The following ATRNL1 variants were observed in gnomAD, a reference collection of about 807,000 sequenced individuals.
The protein encoded by ATRNL1 is attractin like 1, also known as attractin-like protein 1.
A neutral mutation model predicts 182.7 loss-of-function variants in ATRNL1; 95 were observed. The observed-to-expected ratio is 0.52, with a 90% CI of 0.44 to 0.62. The LOEUF is 0.62. Among genes scored for constraint, ATRNL1 ranks in the 20% least tolerant of loss-of-function variants. The probability of loss-of-function intolerance (pLI) is 0.00; values close to 1 mark genes in which losing one functional copy is unlikely to be tolerated. For missense variants in ATRNL1, 1,471 were observed against 1,679.5 expected, an observed-to-expected ratio of 0.88 and a Z score of 2.17; for synonymous variants, 576 against 568.3, an observed-to-expected ratio of 1.01 and a Z score of -0.19.
At chr10:115,541,456 A>T (rs1554991951) in intron 25 of ATRNL1, among the ~76,000 whole-genome samples, 1 of 152,206 alleles carries the variant, frequency 6.6e-6, no homozygotes, top group African/African-American at 2.4e-5. Context: ...GTACACTAGA[A>T]ATTGATGTAA....
intron 18 of ATRNL1, among the ~76,000 whole-genome samples, chr10:115,328,036 T>C (rs1327231874): frequency 6.6e-6 from 1 of 151,986 alleles, no homozygotes; most frequent in Admixed American, 6.6e-5. Context: ...TGTATACATA[T>C]GTAACTAACC....
At chr10:115,560,048 C>G (rs1233299334) in intron 26 of ATRNL1, among the ~76,000 whole-genome samples, 1 of 152,022 alleles carries the variant, frequency 6.6e-6, no homozygotes, top group South Asian at 2.1e-4. Context: ...GTTCAGGATG[C>G]CAGAGCAATA....
intron 27 of ATRNL1, among the ~76,000 whole-genome samples, chr10:115,745,719 G>A (rs1948272752): frequency 6.6e-6 from 1 of 152,066 alleles, no homozygotes; most frequent in African/African-American, 2.4e-5. Flanking sequence ...GGCAAAAACT[G>A]CAATTACTTT....
intron 19 of ATRNL1, among the ~76,000 whole-genome samples, chr10:115,377,197 C>T (rs1195858879): frequency 4.6e-5 from 7 of 152,154 alleles, no homozygotes; most frequent in Non-Finnish European, 7.3e-5. Flanking sequence ...CATAATTTCT[C>T]ATGTTGTGGG....
chr10:115,699,978 C>A (rs773488793), intron 26 of ATRNL1, among the ~76,000 whole-genome samples: 2 of 152,112 alleles, frequency 1.3e-5, no homozygotes, highest in Non-Finnish European at 2.9e-5. Flanking sequence ...CTTAGGATAA[C>A]GGCCTTCAGC....
At chr10:115,392,854 G>C (rs1001053685) in intron 19 of ATRNL1, among the ~76,000 whole-genome samples, 1 of 152,146 alleles carries the variant, frequency 6.6e-6, no homozygotes, top group Non-Finnish European at 1.5e-5. Context: ...ATATTAAGTA[G>C]ATGCTGGCTA....
intron 24 of ATRNL1, among the ~76,000 whole-genome samples, chr10:115,504,035 A>G (rs1338469918): frequency 2.0e-5 from 3 of 151,954 alleles, no homozygotes; most frequent in African/African-American, 7.2e-5. Context: ...GAATGTTTTT[A>G]TACAAATATA....
chr10:115,177,913 TTTTTTTTTTTG>T (rs1554887089), intron 8 of ATRNL1, among the ~76,000 whole-genome samples: 1 of 106,234 alleles, frequency 9.4e-6, no homozygotes, highest in Admixed American at 9.4e-5. Flanking sequence ...GTTTTTTTTG[TTTTTTTTTTTG>T]TTTTTTTTTT....
At chr10:115,223,929 A>ATATTTTTTTTTTTTTTTTTTTTT (rs1420143943) in intron 9 of ATRNL1, among the ~76,000 whole-genome samples, 3 of 44,732 alleles carry the variant, frequency 6.7e-5, no homozygotes, top group Admixed American at 4.6e-4. Flanking sequence ...ATATATATAT[A>ATATTTTTTTTTTTTTTTTTTTTT]TTTTTTTTTT....
chr10:115,890,500 AT>A (rs1367698690), intron 28 of ATRNL1, among the ~76,000 whole-genome samples: 7 of 151,834 alleles, frequency 4.6e-5, no homozygotes, highest in East Asian at 3.9e-4. Context: ...ATAAAATATG[AT>A]TTTTTTTCTT....
rs537768191 is a variant in ATRNL1 at position 115,240,715 on chromosome 10, ATATT to A, written c.1533-848_1533-845del. Among the ~76,000 whole-genome samples, 18 of 152,100 alleles carry A rather than the reference ATATT, an allele frequency of 1.2e-4. No homozygotes were observed. The South Asian group carries it at 3.5e-3, about 30-fold the overall frequency. On this transcript the variant is annotated intron_variant, in intron 9 of 28. Coordinates refer to ENST00000355044, the MANE Select transcript of ATRNL1 (RefSeq NM_207303.4). ...ATCAGGGCTTTAGAGTAGTTATTTA[ATATT>A]TATTTATATTGTCATGCACCTTTAC... is the stretch of plus-strand genomic sequence containing the variant.
intron 28 of ATRNL1, among the ~76,000 whole-genome samples, chr10:115,921,194 C>T (rs1953048537): frequency 6.6e-6 from 1 of 151,960 alleles, no homozygotes. Context: ...ACACCACCTG[C>T]TTTTGAAAGT....
intron 26 of ATRNL1, among the ~76,000 whole-genome samples, chr10:115,584,648 T>A (rs1390046389): frequency 6.6e-6 from 1 of 151,172 alleles, no homozygotes; most frequent in Admixed American, 6.6e-5. Context: ...CTTTTTTTCT[T>A]TATTAGTCTT....
chr10:115,351,091 A>G (rs782545930), intron 19 of ATRNL1, among the ~76,000 whole-genome samples: 1 of 152,112 alleles, frequency 6.6e-6, no homozygotes, highest in African/African-American at 2.4e-5. Context: ...TTATATGTCA[A>G]TTTTGTATCC....
chr10:115,506,763 A>C (rs1850134193), intron 24 of ATRNL1, among the ~76,000 whole-genome samples: 1 of 152,178 alleles, frequency 6.6e-6, no homozygotes, highest in South Asian at 2.1e-4. Flanking sequence ...AAATTGTCCT[A>C]TTGGAGCCAT....
intron 10 of ATRNL1, among the ~76,000 whole-genome samples, chr10:115,251,981 C>T (rs1850898320): frequency 6.6e-6 from 1 of 152,140 alleles, no homozygotes; most frequent in Non-Finnish European, 1.5e-5. Context: ...CTTGTACTCT[C>T]CCACCTCCTG....
chr10:115,934,001 C>T lies in ATRNL1; in HGVS notation c.4019-10657C>T, dbSNP rs1278032829. On this transcript the variant is annotated intron_variant, in intron 28 of 28. Transcript: ENST00000355044. ...GTAGTGGAGAGGTGTTGCCCGGCAG[C>T]TGTACTTGCTAATGGCATGGGAACA... Among the ~76,000 whole-genome samples, 8 of 152,178 alleles carry T rather than the reference C, an allele frequency of 5.3e-5. 1 individual carries two copies. Among genetic ancestry groups the T allele is most frequent in the African/African-American group, 1.9e-4 (8 of 41,454 alleles).
chr10:115,640,722 T>C (rs1248157324), intron 26 of ATRNL1, among the ~76,000 whole-genome samples: 4 of 152,196 alleles, frequency 2.6e-5, no homozygotes, highest in African/African-American at 9.6e-5. Flanking sequence ...ATTCTGTAGG[T>C]TGCCTGTTCG....
At chr10:115,459,710 C>A (rs1029771088) in intron 21 of ATRNL1, among the ~76,000 whole-genome samples, 4 of 152,160 alleles carry the variant, frequency 2.6e-5, no homozygotes, top group Non-Finnish European at 5.9e-5. Context: ...TATTCTATTA[C>A]GCTGTTAAGT....
Sources: allele counts gnomAD v4.1 joint callset (sites outside exome capture counted in the v4.1 genomes callset), GRCh38; gene constraint gnomAD v4.1.1; transcripts MANE v1.5; gene names NCBI Gene and HGNC (gene_info 2026-07-23, HGNC 2026-07-21).